The following TUBB6 variants were observed in gnomAD, a reference collection of about 807,000 sequenced individuals.
TUBB6 encodes tubulin beta 6 class V, also known as tubulin beta-6 chain.
In TUBB6, 18 loss-of-function variants were observed where a neutral mutation model predicts 32.3. That is an observed-to-expected ratio of 0.56 (90% CI 0.39 to 0.83). The LOEUF (loss-of-function observed/expected upper bound fraction) is 0.83. Among genes scored for constraint, TUBB6 ranks in the 40% least tolerant of loss-of-function variants. The pLI, the probability that TUBB6 is intolerant of heterozygous loss-of-function variation, is 0.00. For synonymous variants in TUBB6, 280 were observed against 265.8 expected (o/e 1.05, Z -0.52); for missense variants, 480 against 632.0 (o/e 0.76, Z 2.58).
At chr18:12,323,076 G>A (rs1423744547) in intron 3 of TUBB6, among the ~76,000 whole-genome samples, 1 of 152,132 alleles carries the variant, frequency 6.6e-6, no homozygotes, top group Non-Finnish European at 1.5e-5. Flanking sequence ...TTAGCCAAGT[G>A]TAGTGGCATG....
upstream of TUBB6, chr18:12,308,213 G>T (rs995227399): frequency 3.2e-5 from 34 of 1,071,334 alleles, no homozygotes; most frequent in African/African-American, 5.4e-4. Flanking sequence ...GCGGAGGGTC[G>T]GCCCCGGGAC....
chr18:12,323,527 G>C (rs1209382190), intron 3 of TUBB6, among the ~76,000 whole-genome samples: 1 of 152,088 alleles, frequency 6.6e-6, no homozygotes, highest in Non-Finnish European at 1.5e-5. Flanking sequence ...ACCATTATGG[G>C]GCTGGCCCGG....
intron 3 of TUBB6, among the ~76,000 whole-genome samples, chr18:12,322,411 G>A (rs1323570653): frequency 6.7e-6 from 1 of 148,650 alleles, no homozygotes; most frequent in Non-Finnish European, 1.5e-5. Flanking sequence ...CTGGAGTGCT[G>A]TAGCACAATC....
Position 12,324,263 on chromosome 18 carries a change from G to C in TUBB6, c.278-804G>C, listed in dbSNP as rs532174054. Reference sequence around the variant, plus strand: ...CAGGCGCCTGTAGTCCCGGCTACACGGGAGGCTGAGGCAGGAGAATGGCGT... The same window carrying C: ...CAGGCGCCTGTAGTCCCGGCTACACCGGAGGCTGAGGCAGGAGAATGGCGT... On this transcript the variant is annotated intron_variant, in intron 3 of 3. Coordinates refer to ENST00000317702, the MANE Select transcript of TUBB6 (RefSeq NM_032525.3). Among the ~76,000 whole-genome samples the C allele has an allele frequency of 5.8e-3, 876 of 152,054 alleles. 9 individuals are homozygous for C. The highest frequency in any genetic ancestry group is 0.02 in the African/African-American group (842 of 41,486).
At chr18:12,309,607 A>T (rs1427353498) in intron 2 of TUBB6, among the ~76,000 whole-genome samples, 2 of 152,156 alleles carry the variant, frequency 1.3e-5, no homozygotes, top group African/African-American at 4.8e-5. Flanking sequence ...TGGGAACATC[A>T]GGGCATGGAA....
At position 12,326,329 on chromosome 18, in the gene TUBB6, T is replaced by A; in HGVS notation, c.*199T>A. The A allele has an allele frequency of 1.3e-6, 1 of 770,798 alleles. No homozygotes were observed. The highest frequency in any genetic ancestry group is 2.0e-6 in the Non-Finnish European group (1 of 504,770). The allele number at this position is 770,798 out of a possible 1,614,324, so 47.7% of individuals were successfully genotyped here. On this transcript the variant is annotated 3_prime_UTR_variant, in exon 4 of 4. Transcript: ENST00000317702. Reference sequence around the variant, plus strand: ...GCAGAGAATTGCGGGTTCTACCCAGTCAGAAGATCACACCATGGAGACTTT... The same window carrying A: ...GCAGAGAATTGCGGGTTCTACCCAGACAGAAGATCACACCATGGAGACTTT...
In TUBB6 at chr18:12,326,228, T is replaced by C. The variant is rs1009081086; in HGVS notation, c.*98T>C. On this transcript the variant is annotated 3_prime_UTR_variant, in exon 4 of 4. Transcript: ENST00000317702. The stretch of plus-strand genomic sequence containing the variant: ...TATGGCCCTGAATGGTGCACTGGTT[T>C]AATTGTGTTGGTGTCGGCCCCTCAC... The C allele has an allele frequency of 1.4e-6, 2 of 1,465,172 alleles. No individual in the cohort carries two copies. Among genetic ancestry groups the C allele is most frequent in the Non-Finnish European group, 1.8e-6 (2 of 1,106,074 alleles). 90.8% of individuals were successfully genotyped at this position (1,465,172 alleles called of 1,614,324 possible).
chr18:12,327,435 G>A (rs1307668725), downstream of TUBB6, among the ~76,000 whole-genome samples: 1 of 152,236 alleles, frequency 6.6e-6, no homozygotes, highest in African/African-American at 2.4e-5. Context: ...TTGACTAGCT[G>A]TATTTATTTT....
rs185653823 is a variant in TUBB6 at position 12,320,024 on chromosome 18, G to A, written c.278-5043G>A. On this transcript the variant is annotated intron_variant, in intron 3 of 3. Transcript: ENST00000317702. ...AGGATGGTCTCAATCTCCTGACCTC[G>A]TGATCCACCCGCCTCGGCCTCCCAA... 3.3e-4 allele frequency among the ~76,000 whole-genome samples: 50 copies of A among 151,896 alleles called. 1 individual carries two copies. Among genetic ancestry groups the A allele is most frequent in the East Asian group, 3.1e-3 (16 of 5,158 alleles).
At chr18:12,319,641 G>A (rs537214701) in intron 3 of TUBB6, among the ~76,000 whole-genome samples, 99 of 152,236 alleles carry the variant, frequency 6.5e-4, no homozygotes, top group African/African-American at 2.3e-3. Flanking sequence ...CCCACTTACT[G>A]ATGACATTTT....
intron 3 of TUBB6, among the ~76,000 whole-genome samples, chr18:12,321,985 T>C (rs1907013514): frequency 6.6e-6 from 1 of 152,144 alleles, no homozygotes; most frequent in Admixed American, 6.5e-5. Flanking sequence ...AGTTAGGTCG[T>C]TTCCAATTCT....
At chr18:12,312,760 G>C (rs4796958) in intron 3 of TUBB6, among the ~76,000 whole-genome samples, 119,581 of 151,818 alleles carry the variant, frequency 0.79, 48,391 homozygotes, top group Non-Finnish European at 0.88. Flanking sequence ...AGCACTTTGG[G>C]AGGCCAAGGC....
At chr18:12,317,174 A>C (rs1406739336) in intron 3 of TUBB6, among the ~76,000 whole-genome samples, 1 of 151,868 alleles carries the variant, frequency 6.6e-6, no homozygotes, top group African/African-American at 2.4e-5. Flanking sequence ...AAAAAAAGAA[A>C]ACTTCCCAGT....
At chr18:12,329,453 CAGTGGCT>C, downstream of TUBB6, 3 of 1,127,294 alleles carry the variant, frequency 2.7e-6, no homozygotes. Context: ...TCAGCTGGGC[CAGTGGCT>C]GGCTAAAATC....
In TUBB6 at chr18:12,325,590, G is replaced by A; in HGVS notation, c.801G>A (p.Met267Ile). 6.2e-7 allele frequency: 1 copy of A among 1,613,920 alleles called. No homozygotes were observed. Among genetic ancestry groups the A allele is most frequent in the African/African-American group, 1.3e-5 (1 of 75,058 alleles). ...CCTTCCCGCGCCTGCACTTCTTCAT[G>A]CCTGGCTTCGCGCCGCTCACCAGCC... Reference protein sequence around the residue: ...MVPFPRLHFFMPGFAPLTSRG... With the variant: ...MVPFPRLHFFIPGFAPLTSRG... Residue 267 changes from methionine (M) to isoleucine (I), a missense_variant, in exon 4 of 4, where the codon ATG becomes ATA. Met to Ile is a conservative substitution (Grantham distance 10). Transcript: ENST00000317702.
At chr18:12,311,414 G>A (rs1008207012) in intron 3 of TUBB6, among the ~76,000 whole-genome samples, 9 of 152,222 alleles carry the variant, frequency 5.9e-5, no homozygotes, top group African/African-American at 7.2e-5. Context: ...TGGCTGACAC[G>A]GTGAAACCCT....
chr18:12,317,322 C>T (rs374238815), intron 3 of TUBB6, among the ~76,000 whole-genome samples: 8 of 151,972 alleles, frequency 5.3e-5, no homozygotes, highest in Admixed American at 2.0e-4. Context: ...ATTAGCTAGG[C>T]GTGGTGGTGT....
chr18:12,325,103 A>G lies in TUBB6; in HGVS notation c.314A>G (p.His105Arg), dbSNP rs773720752. 6.3e-7 allele frequency: 1 copy of G among 1,590,198 alleles called. No individual in the cohort carries two copies. The highest frequency in any genetic ancestry group is 1.3e-5 in the African/African-American group (1 of 74,778). Residue 105 changes from histidine to arginine, a missense_variant, in exon 4 of 4, where the codon CAC becomes CGC. Transcript: ENST00000317702. ...TGAGNNWAKG[H>R]YTEGAELVDA... ...GCAGGGAACAACTGGGCGAAAGGGC[A>G]CTACACGGAGGGCGCGGAGCTGGTG... is the stretch of plus-strand genomic sequence containing the variant.
At chr18:12,323,011 T>A (rs1466704882) in intron 3 of TUBB6, among the ~76,000 whole-genome samples, 2 of 152,144 alleles carry the variant, frequency 1.3e-5, no homozygotes, top group Non-Finnish European at 2.9e-5. Context: ...AAATAATAGA[T>A]GTTAACTTTA....
Sources: allele counts gnomAD v4.1 joint callset (sites outside exome capture counted in the v4.1 genomes callset), GRCh38; gene constraint gnomAD v4.1.1; transcripts MANE v1.5; gene names NCBI Gene and HGNC (gene_info 2026-07-23, HGNC 2026-07-21).